The following NOSTRIN variants were observed in gnomAD, a reference collection of about 807,000 sequenced individuals.
NOSTRIN encodes nitric oxide synthase trafficking.
In NOSTRIN, 63 loss-of-function variants were observed where a neutral mutation model predicts 59.0. The ratio of observed to expected loss-of-function variants is 1.07; its 90% CI spans 0.87 to 1.32. The LOEUF (loss-of-function observed/expected upper bound fraction) is 1.32. Ranked by LOEUF, NOSTRIN falls within the 40% of genes most tolerant of loss-of-function variation. The pLI, the probability that NOSTRIN is intolerant of heterozygous loss-of-function variation, is 0.00. For synonymous variants in NOSTRIN, 200 were observed against 165.4 expected, an observed-to-expected ratio of 1.21 and a Z score of -1.61; for missense variants, 512 against 473.1, an observed-to-expected ratio of 1.08 and a Z score of -0.76.
At chr2:168,801,166 G>T (rs932995561), upstream of NOSTRIN, 6 of 151,776 alleles carry the variant, frequency 4.0e-5, no homozygotes, top group African/African-American at 1.5e-4. Context: ...GGCATTAAGT[G>T]TGTGGAAAAG....
At chr2:168,856,981 G>A (rs1233784849) in intron 12 of NOSTRIN, among the ~76,000 whole-genome samples, 1 of 152,152 alleles carries the variant, frequency 6.6e-6, no homozygotes, top group African/African-American at 2.4e-5. Flanking sequence ...TTGCTTTGGT[G>A]TCCTAGGAAA....
chr2:168,796,420 G>A (rs1300323660), upstream of NOSTRIN, among the ~76,000 whole-genome samples: 1 of 152,202 alleles, frequency 6.6e-6, no homozygotes, highest in Admixed American at 6.5e-5. Flanking sequence ...AAGTACTCCT[G>A]CTCACTTGGT....
At chr2:168,839,092 A>G (rs1199257359) in intron 7 of NOSTRIN, among the ~76,000 whole-genome samples, 1 of 151,046 alleles carries the variant, frequency 6.6e-6, no homozygotes, top group Admixed American at 6.6e-5. Context: ...GCCAGGAAAA[A>G]CTCTTTCATG....
At position 168,862,960 on chromosome 2, in the gene NOSTRIN, G is replaced by A. The variant is rs1418690037; in HGVS notation, c.1384+911G>A. On this transcript the variant is annotated intron_variant, in intron 15 of 15. Coordinates refer to ENST00000317647, the MANE Select transcript of NOSTRIN (RefSeq NM_001039724.4). ...ACACCACACATTTGCTATTTATTGG[G>A]TGTTTCCTTTGCAGCATTTGCCAGT... is the stretch of plus-strand genomic sequence containing the variant. 3.9e-5 allele frequency among the ~76,000 whole-genome samples: 6 copies of A among 152,208 alleles called. No individual in the cohort carries two copies. The South Asian group carries it at 1.2e-3, about 32-fold the overall frequency.
chr2:168,811,903 G>T, intron 2 of NOSTRIN: 1 of 312,368 alleles, frequency 3.2e-6, no homozygotes, highest in Non-Finnish European at 5.8e-6. Context: ...CCTCAGACTG[G>T]GTTTATTACC....
chr2:168,815,483 C>A (rs541935960), intron 2 of NOSTRIN, among the ~76,000 whole-genome samples: 27 of 152,286 alleles, frequency 1.8e-4, no homozygotes, highest in Non-Finnish European at 8.8e-5. Flanking sequence ...TCAATTGTTC[C>A]TCTGTAAGGG....
At chr2:168,819,548 G>A (rs187236890) in intron 2 of NOSTRIN, among the ~76,000 whole-genome samples, 23 of 152,286 alleles carry the variant, frequency 1.5e-4, no homozygotes, top group African/African-American at 5.3e-4. Context: ...CAGCGCTAGA[G>A]GCCTGGGAGA....
chr2:168,829,928 A>T (rs1439232658), intron 5 of NOSTRIN, among the ~76,000 whole-genome samples: 1 of 152,166 alleles, frequency 6.6e-6, no homozygotes, highest in Non-Finnish European at 1.5e-5. Flanking sequence ...GAAAGTTCTG[A>T]TGGAGGAGAA....
chr2:168,860,599 A>C (rs547651293), intron 13 of NOSTRIN, among the ~76,000 whole-genome samples, 196 bp from the exon 14 acceptor site: 126 of 150,672 alleles, frequency 8.4e-4, no homozygotes, highest in Middle Eastern at 3.4e-3. Context: ...TGAACCCGGG[A>C]GGTGGAGGTT....
At chr2:168,798,291 T>C (rs1467880718), upstream of NOSTRIN, 1 of 152,230 alleles carries the variant, frequency 6.6e-6, no homozygotes, top group African/African-American at 2.4e-5. Context: ...ATGATGTTCA[T>C]GCTGTTGCCA....
intron 2 of NOSTRIN, among the ~76,000 whole-genome samples, chr2:168,817,115 A>G (rs1033192941): frequency 3.3e-5 from 5 of 152,250 alleles, no homozygotes; most frequent in African/African-American, 9.6e-5. Context: ...CACAGCGTAC[A>G]TACTTCTCTC....
intron 5 of NOSTRIN, among the ~76,000 whole-genome samples, chr2:168,829,274 C>G (rs996047036): frequency 7.4e-4 from 112 of 151,190 alleles, no homozygotes; most frequent in Middle Eastern, 3.4e-3. Context: ...TCCCTCCCTC[C>G]CTCCCTTCCT....
At chr2:168,798,622 G>A (rs1352231482), upstream of NOSTRIN, among the ~76,000 whole-genome samples, 2 of 152,290 alleles carry the variant, frequency 1.3e-5, no homozygotes, top group African/African-American at 2.4e-5. Flanking sequence ...ATTAGGATAG[G>A]AGAGGTCAGA....
At chr2:168,827,639 T>A (rs1049228588) in intron 3 of NOSTRIN, among the ~76,000 whole-genome samples, 1 of 152,072 alleles carries the variant, frequency 6.6e-6, no homozygotes, top group African/African-American at 2.4e-5. Flanking sequence ...AGTGGCATGA[T>A]CATAGCTCAC....
At chr2:168,840,121 A>G (rs1687985591) in intron 7 of NOSTRIN, among the ~76,000 whole-genome samples, 1 of 151,962 alleles carries the variant, frequency 6.6e-6, no homozygotes, top group African/African-American at 2.4e-5. Flanking sequence ...GAGGACAATG[A>G]TTTAGCAGAG....
At chr2:168,832,066 G>A (rs1687393022) in intron 6 of NOSTRIN, among the ~76,000 whole-genome samples, 1 of 152,162 alleles carries the variant, frequency 6.6e-6, no homozygotes, top group Non-Finnish European at 1.5e-5. Flanking sequence ...TAGTGAGAGT[G>A]GCCCAGTGAG....
At chr2:168,855,268 C>T (rs368227954) in intron 10 of NOSTRIN, 84 bp from the exon 11 acceptor site, 23 of 595,678 alleles carry the variant, frequency 3.9e-5, no homozygotes, top group Middle Eastern at 4.6e-4. Flanking sequence ...AAATTAAATG[C>T]AGCCAGTGGA....
upstream of NOSTRIN, among the ~76,000 whole-genome samples, chr2:168,793,999 C>A (rs1685419822): frequency 6.6e-6 from 1 of 152,194 alleles, no homozygotes; most frequent in African/African-American, 2.4e-5. Flanking sequence ...TCTGTAAAGA[C>A]CTCTTCTATA....
chr2:168,795,198 A>G (rs1328122809), upstream of NOSTRIN, among the ~76,000 whole-genome samples: 1 of 151,642 alleles, frequency 6.6e-6, no homozygotes, highest in Non-Finnish European at 1.5e-5. Context: ...CTTTATTTAC[A>G]TATGCAGAAA....
Sources: gnomAD v4.1 joint callset for allele counts (sites outside exome capture counted in the v4.1 genomes callset) on GRCh38, gnomAD v4.1.1 for gene constraint, MANE v1.5 for transcripts, NCBI Gene and HGNC (gene_info 2026-07-23, HGNC 2026-07-21) for gene names.